REDIC1: variants seen among roughly 807,000 people sequenced by gnomAD.
REDIC1 encodes HEI10 Interacting Protein 1.
chr12:39,702,707 C>T, the REDIC1 span, among the ~76,000 whole-genome samples: 24 of 152,296 alleles, frequency 1.6e-4, no homozygotes, highest in East Asian at 4.2e-3. Flanking sequence ...CAAACCAAAT[C>T]CAGCAGCACA....
the REDIC1 span, chr12:39,864,786 T>C: frequency 6.2e-7 from 1 of 1,614,074 alleles, no homozygotes. Flanking sequence ...AGTGGCGTTC[T>C]GACCTGACGG....
the REDIC1 span, among the ~76,000 whole-genome samples, chr12:39,710,762 T>G: frequency 1.3e-5 from 2 of 151,838 alleles, no homozygotes; most frequent in East Asian, 1.9e-4. Context: ...ATTTTGTGAC[T>G]TAAACAAATG....
At chr12:39,631,325 A>C in the REDIC1 span, among the ~76,000 whole-genome samples, 1 of 152,180 alleles carries the variant, frequency 6.6e-6, no homozygotes, top group African/African-American at 2.4e-5. Context: ...GTAAATTATA[A>C]TTATTGAATA....
At chr12:39,712,875 A>ATATATG in the REDIC1 span, among the ~76,000 whole-genome samples, 1 of 118,894 alleles carries the variant, frequency 8.4e-6, no homozygotes, top group Non-Finnish European at 1.9e-5. Context: ...ACGTATATAC[A>ATATATG]CGTATATACA....
chr12:39,692,224 T>C, the REDIC1 span: 4 of 1,067,256 alleles, frequency 3.7e-6, no homozygotes, highest in Non-Finnish European at 5.2e-6. Flanking sequence ...ATATATATCA[T>C]GGATATTTTA....
the REDIC1 span, among the ~76,000 whole-genome samples, chr12:39,637,750 G>A: frequency 6.6e-6 from 1 of 152,022 alleles, no homozygotes. Context: ...TCATTGGCAA[G>A]TCCTTTTAAT....
the REDIC1 span, among the ~76,000 whole-genome samples, chr12:39,776,393 G>A: frequency 0.14 from 21,454 of 152,204 alleles, 1,742 homozygotes; most frequent in East Asian, 0.39. Flanking sequence ...CCATAACTAT[G>A]TGTGGCATAA....
At chr12:39,681,497 A>T in the REDIC1 span, among the ~76,000 whole-genome samples, 1 of 152,246 alleles carries the variant, frequency 6.6e-6, no homozygotes, top group Non-Finnish European at 1.5e-5. Flanking sequence ...TTACATTTAT[A>T]GTGTGCTTAA....
chr12:39,684,198 A>T, the REDIC1 span: 3,098 of 1,032,804 alleles, frequency 3.0e-3, 64 homozygotes, highest in African/African-American at 0.047. Context: ...TTATTCCTTA[A>T]AAGTTTGAGA....
chr12:39,710,131 G>T, the REDIC1 span, among the ~76,000 whole-genome samples: 1 of 151,682 alleles, frequency 6.6e-6, no homozygotes, highest in African/African-American at 2.4e-5. Flanking sequence ...ATTCCACCAA[G>T]TCCTGATGTG....
At chr12:39,703,698 A>C in the REDIC1 span, among the ~76,000 whole-genome samples, 28 of 152,342 alleles carry the variant, frequency 1.8e-4, no homozygotes, top group African/African-American at 6.0e-4. Context: ...GGCTACAGTC[A>C]CCAAGACAGC....
chr12:39,690,665 A>G, the REDIC1 span, among the ~76,000 whole-genome samples: 11 of 152,312 alleles, frequency 7.2e-5, no homozygotes, highest in Admixed American at 3.3e-4. Context: ...CTAGAATATA[A>G]TAAAGGTTGA....
At chr12:39,740,369 C>A in the REDIC1 span, among the ~76,000 whole-genome samples, 1 of 152,106 alleles carries the variant, frequency 6.6e-6, no homozygotes, top group Non-Finnish European at 1.5e-5. Flanking sequence ...ATCTTCTTTC[C>A]TATGGTGAAT....
chr12:39,752,333 G>C, the REDIC1 span, among the ~76,000 whole-genome samples: 2 of 152,076 alleles, frequency 1.3e-5, no homozygotes, highest in African/African-American at 4.8e-5. Context: ...TGCATGCAAG[G>C]GATCTAGGTT....
chr12:39,693,946 G>A, the REDIC1 span, among the ~76,000 whole-genome samples: 2 of 152,242 alleles, frequency 1.3e-5, no homozygotes, highest in South Asian at 4.2e-4. Flanking sequence ...TTATTCCACA[G>A]CCTCACCAAC....
At chr12:39,874,134 A>G in the REDIC1 span, among the ~76,000 whole-genome samples, 1 of 152,192 alleles carries the variant, frequency 6.6e-6, no homozygotes, top group African/African-American at 2.4e-5. Flanking sequence ...TTTGCTGTAG[A>G]ATATTTCTTG....
chr12:39,646,850 CAA>C, the REDIC1 span: 1 of 1,593,306 alleles, frequency 6.3e-7, no homozygotes, highest in Non-Finnish European at 8.6e-7. Flanking sequence ...TGTAAACTGT[CAA>C]AGACTAAGTA....
the REDIC1 span, among the ~76,000 whole-genome samples, chr12:39,718,366 C>A: frequency 6.6e-6 from 1 of 152,050 alleles, no homozygotes; most frequent in Non-Finnish European, 1.5e-5. Context: ...TTAGCAATAT[C>A]AAAATAACTT....
chr12:39,735,522 T>C, the REDIC1 span, among the ~76,000 whole-genome samples: 2 of 152,168 alleles, frequency 1.3e-5, no homozygotes, highest in Non-Finnish European at 2.9e-5. Flanking sequence ...AGAAAGAACT[T>C]TAATATATAA....
Sources: gnomAD v4.1 joint callset for allele counts (sites outside exome capture counted in the v4.1 genomes callset) on GRCh38, gnomAD v4.1.1 for gene constraint, MANE v1.5 for transcripts, NCBI Gene and HGNC (gene_info 2026-07-23, HGNC 2026-07-21) for gene names.